ENTREP2: variants seen among roughly 807,000 people sequenced by gnomAD.
ENTREP2 encodes endosomal transmembrane epsin interactor 2, also known as protein ENTREP2.
At chr15:29,300,186 GGA>G in the ENTREP2 span, among the ~76,000 whole-genome samples, 1 of 150,132 alleles carries the variant, frequency 6.7e-6, no homozygotes, top group East Asian at 2.0e-4. Flanking sequence ...ATGGATGGAT[GGA>G]TGGGTAGGTA....
the ENTREP2 span, among the ~76,000 whole-genome samples, chr15:29,389,652 A>G: frequency 6.6e-6 from 1 of 152,186 alleles, no homozygotes; most frequent in Admixed American, 6.5e-5. Flanking sequence ...TCCCAGGCCA[A>G]GCCCCTACCT....
the ENTREP2 span, among the ~76,000 whole-genome samples, chr15:29,273,193 A>ACT: frequency 6.7e-6 from 1 of 149,676 alleles, no homozygotes; most frequent in East Asian, 2.0e-4. Flanking sequence ...TAATTTATAA[A>ACT]TTAAACTTTT....
chr15:29,541,796 A>G, the ENTREP2 span, among the ~76,000 whole-genome samples: 1 of 152,178 alleles, frequency 6.6e-6, no homozygotes, highest in African/African-American at 2.4e-5. Context: ...GTGGCCACAG[A>G]GCCAGGACAG....
chr15:29,400,670 A>G, the ENTREP2 span, among the ~76,000 whole-genome samples: 2 of 152,242 alleles, frequency 1.3e-5, no homozygotes, highest in Non-Finnish European at 2.9e-5. Context: ...ATCTTGAAGT[A>G]AGCCTTTTAA....
chr15:29,561,117 C>A, the ENTREP2 span, among the ~76,000 whole-genome samples: 1 of 149,790 alleles, frequency 6.7e-6, no homozygotes, highest in South Asian at 2.1e-4. Flanking sequence ...GGCAAAGATA[C>A]GGAGAAAGGG....
chr15:29,325,586 A>AG, the ENTREP2 span, among the ~76,000 whole-genome samples: 1 of 152,190 alleles, frequency 6.6e-6, no homozygotes, highest in Admixed American at 6.5e-5. Flanking sequence ...TAAAGCTACT[A>AG]AAGAAACTGA....
chr15:29,346,742 T>C, the ENTREP2 span, among the ~76,000 whole-genome samples: 1 of 152,196 alleles, frequency 6.6e-6, no homozygotes, highest in African/African-American at 2.4e-5. Flanking sequence ...ATTTATGACA[T>C]TATTTAGTGA....
chr15:29,158,459 G>T, the ENTREP2 span, among the ~76,000 whole-genome samples: 1 of 146,548 alleles, frequency 6.8e-6, no homozygotes, highest in African/African-American at 2.5e-5. Context: ...AGGCTGGAGT[G>T]CAGTGGCGTG....
chr15:29,645,034 C>T, the ENTREP2 span, among the ~76,000 whole-genome samples: 90 of 152,198 alleles, frequency 5.9e-4, no homozygotes, highest in Non-Finnish European at 9.9e-4. Flanking sequence ...CTGGGAAACA[C>T]GGCAAGGTGC....
chr15:29,417,357 A>G, the ENTREP2 span, among the ~76,000 whole-genome samples: 1 of 152,308 alleles, frequency 6.6e-6, no homozygotes, highest in South Asian at 2.1e-4. Context: ...GACATGGATG[A>G]AGCTGGAAAC....
the ENTREP2 span, among the ~76,000 whole-genome samples, chr15:29,531,493 GGCA>G: frequency 6.6e-6 from 1 of 152,122 alleles, no homozygotes; most frequent in Non-Finnish European, 1.5e-5. Flanking sequence ...GAACATGAAG[GGCA>G]GCCCTGGGGA....
chr15:29,341,176 C>T, the ENTREP2 span, among the ~76,000 whole-genome samples: 24 of 152,342 alleles, frequency 1.6e-4, no homozygotes, highest in Admixed American at 1.4e-3. Context: ...ATCACACCTT[C>T]GTCGTTTGTG....
At chr15:29,520,386 AACTG>A in the ENTREP2 span, among the ~76,000 whole-genome samples, 1 of 152,222 alleles carries the variant, frequency 6.6e-6, no homozygotes, top group Non-Finnish European at 1.5e-5. Context: ...TCAAATAGCA[AACTG>A]ACTGTCAGAG....
the ENTREP2 span, among the ~76,000 whole-genome samples, chr15:29,488,243 G>A: frequency 6.6e-6 from 1 of 152,142 alleles, no homozygotes; most frequent in African/African-American, 2.4e-5. Context: ...TTATAAAAGG[G>A]AGTCAAATTC....
chr15:29,321,834 C>T, the ENTREP2 span, among the ~76,000 whole-genome samples: 9 of 150,846 alleles, frequency 6.0e-5, no homozygotes, highest in Admixed American at 1.3e-4. Context: ...GGGGAGTGGG[C>T]GGGGAGGGAG....
the ENTREP2 span, among the ~76,000 whole-genome samples, chr15:29,645,748 G>A: frequency 6.6e-6 from 1 of 152,120 alleles, no homozygotes; most frequent in African/African-American, 2.4e-5. Flanking sequence ...TTTTAGTAGA[G>A]ACAGGGTTTC....
chr15:29,260,046 T>C, the ENTREP2 span, among the ~76,000 whole-genome samples: 1 of 152,060 alleles, frequency 6.6e-6, no homozygotes, highest in Non-Finnish European at 1.5e-5. Context: ...AAAATAGAAA[T>C]TCTCAATATC....
chr15:29,463,933 C>T, the ENTREP2 span, among the ~76,000 whole-genome samples: 63,766 of 151,978 alleles, frequency 0.42, 14,098 homozygotes, highest in African/African-American at 0.57. Flanking sequence ...GAGGATGTTA[C>T]GCTGAGTGAA....
the ENTREP2 span, among the ~76,000 whole-genome samples, chr15:29,343,530 C>A: frequency 6.6e-6 from 1 of 152,106 alleles, no homozygotes; most frequent in Non-Finnish European, 1.5e-5. Flanking sequence ...CCTGCCAGCC[C>A]CCACAATCAG....
Sources: gnomAD v4.1 joint callset for allele counts (sites outside exome capture counted in the v4.1 genomes callset) on GRCh38, gnomAD v4.1.1 for gene constraint, MANE v1.5 for transcripts, NCBI Gene and HGNC (gene_info 2026-07-23, HGNC 2026-07-21) for gene names.